Variants in STARD13 observed in about 807,000 individuals in gnomAD.
The protein encoded by STARD13 is StAR related lipid transfer domain containing 13, also known as stAR-related lipid transfer protein 13.
Under a neutral mutation model 106.4 loss-of-function variants are expected in STARD13, and 62 were observed. The observed-to-expected ratio is 0.58, with a 90% CI of 0.48 to 0.72. STARD13 has a LOEUF of 0.72. STARD13 is among the 30% of genes least tolerant of loss of function. STARD13 has a pLI of 0.00. For missense variants in STARD13, 1,387 were observed against 1,424.0 expected (o/e 0.97, Z 0.42); for synonymous variants, 565 against 553.0 (o/e 1.02, Z -0.31).
At chr13:33,565,515 A>G in the STARD13 span, among the ~76,000 whole-genome samples, 1 of 148,296 alleles carries the variant, frequency 6.7e-6, no homozygotes, top group Non-Finnish European at 1.5e-5. Context: ...AATGTGTAAT[A>G]TATTTGGCAA....
At chr13:33,511,558 TTAAAAATTTTTTG>T in the STARD13 span, among the ~76,000 whole-genome samples, 1 of 152,274 alleles carries the variant, frequency 6.6e-6, no homozygotes. Context: ...CTACTTACGT[TTAAAAATTTTTTG>T]TGTCTCTTTG....
chr13:33,142,178 C>T (rs1031928001), intron 4 of STARD13, 132 bp downstream of exon 4: 2 of 707,148 alleles, frequency 2.8e-6, no homozygotes, highest in South Asian at 1.8e-5. Flanking sequence ...CAGGCACAAG[C>T]CACTGTGCCC....
chr13:33,129,969 G>T lies in STARD13; in HGVS notation c.708C>A (p.Pro236=). 3.1e-6 allele frequency: 5 copies of T among 1,613,236 alleles called. No homozygotes were observed. The highest frequency in any genetic ancestry group is 2.2e-5 in the South Asian group (2 of 91,048). The part of the protein sequence containing the change: ...PLVSSSLPQP[P]RDVLNHPFHP... ...GGAAGGGGTGGTTGAGGACATCTCT[G>T]GGGGGCTGTGGGAGGCTGCTGCTGA... Residue 236 remains proline, a synonymous_variant, in exon 5 of 14, where the codon CCC becomes CCA. Coordinates refer to ENST00000336934, the MANE Select transcript of STARD13 (RefSeq NM_178006.4).
chr13:33,570,228 G>A, the STARD13 span, among the ~76,000 whole-genome samples: 2 of 147,926 alleles, frequency 1.4e-5, no homozygotes, highest in Non-Finnish European at 3.0e-5. Context: ...GAAAGAGCAC[G>A]GGGGAGGAAG....
chr13:33,314,660 C>T (rs939325652), intron 1 of STARD13, among the ~76,000 whole-genome samples: 6 of 152,020 alleles, frequency 3.9e-5, no homozygotes, highest in African/African-American at 7.3e-5. Context: ...ATAACACAAC[C>T]GAGCACCTAA....
chr13:33,435,338 GT>G, the STARD13 span, among the ~76,000 whole-genome samples: 1 of 152,162 alleles, frequency 6.6e-6, no homozygotes, highest in Non-Finnish European at 1.5e-5. Context: ...CTAAAACTAA[GT>G]ACTCAGAATA....
the STARD13 span, among the ~76,000 whole-genome samples, chr13:33,377,657 G>A: frequency 7.5e-5 from 11 of 146,934 alleles, no homozygotes; most frequent in South Asian, 2.1e-3. Flanking sequence ...TCCACTTACA[G>A]AGGATGAGAA....
intron 1 of STARD13, among the ~76,000 whole-genome samples, chr13:33,303,090 C>A (rs935829639): frequency 1.3e-5 from 2 of 152,140 alleles, no homozygotes; most frequent in Non-Finnish European, 2.9e-5. Flanking sequence ...ACTCATTTTT[C>A]AAGACCTGAC....
chr13:33,334,798 A>G (rs770944749), intron 1 of STARD13, among the ~76,000 whole-genome samples: 7 of 152,242 alleles, frequency 4.6e-5, no homozygotes, highest in Non-Finnish European at 8.8e-5. Flanking sequence ...AGCGCCAGGC[A>G]GGCGGTAAAC....
the STARD13 span, among the ~76,000 whole-genome samples, chr13:33,579,071 A>G: frequency 1.3e-5 from 2 of 152,166 alleles, no homozygotes; most frequent in Non-Finnish European, 2.9e-5. Flanking sequence ...AACGAGTACA[A>G]CCTCTCTGGA....
chr13:33,642,214 G>T, the STARD13 span, among the ~76,000 whole-genome samples: 2 of 152,198 alleles, frequency 1.3e-5, no homozygotes, highest in African/African-American at 2.4e-5. Context: ...AGTCTAGAGG[G>T]TAAAGCTTGG....
chr13:33,120,689 G>C (rs1876145249), intron 7 of STARD13, among the ~76,000 whole-genome samples: 1 of 152,114 alleles, frequency 6.6e-6, no homozygotes, highest in Admixed American at 6.5e-5. Flanking sequence ...GCTGAAGATG[G>C]CCAAAGGGAA....
At chr13:33,249,602 T>C (rs1047683126) in intron 1 of STARD13, among the ~76,000 whole-genome samples, 4 of 152,188 alleles carry the variant, frequency 2.6e-5, no homozygotes, top group African/African-American at 9.7e-5. Context: ...AGTATACCAT[T>C]TTGCAATTAA....
chr13:33,511,972 C>G, the STARD13 span, among the ~76,000 whole-genome samples: 1 of 152,108 alleles, frequency 6.6e-6, no homozygotes, highest in Non-Finnish European at 1.5e-5. Context: ...TTAATTAAAG[C>G]TCAGAGGCAC....
At chr13:33,404,195 A>G in the STARD13 span, among the ~76,000 whole-genome samples, 10 of 152,228 alleles carry the variant, frequency 6.6e-5, no homozygotes, top group Non-Finnish European at 1.3e-4. Context: ...AAGGAACTAT[A>G]TGGTATTACA....
chr13:33,358,340 G>A, the STARD13 span, among the ~76,000 whole-genome samples: 2 of 152,174 alleles, frequency 1.3e-5, no homozygotes, highest in African/African-American at 2.4e-5. Flanking sequence ...CAGTCCCATC[G>A]ACCACCCAAG....
the STARD13 span, among the ~76,000 whole-genome samples, chr13:33,388,193 C>G: frequency 6.6e-6 from 1 of 152,116 alleles, no homozygotes; most frequent in Admixed American, 6.5e-5. Context: ...GTCCACCAAG[C>G]CCCAGACAAA....
the STARD13 span, among the ~76,000 whole-genome samples, chr13:33,515,889 T>G: frequency 6.6e-6 from 1 of 152,082 alleles, no homozygotes; most frequent in Non-Finnish European, 1.5e-5. Context: ...TCATCTCCAC[T>G]AATTCTCTGT....
At position 33,343,118 on chromosome 13, in the gene STARD13, T is replaced by C. The variant is rs1047467813; in HGVS notation, c.124+7172A>G. On this transcript the variant is annotated intron_variant, in intron 1 of 5. Coordinates refer to the STARD13 transcript ENST00000567873. The stretch of plus-strand genomic sequence containing the variant: ...GGATGTCTAGTAGGCATTCCAAAGC[T>C]AATGGAGCCAACAGAGAACCTTTGA... Among the ~76,000 whole-genome samples the C allele has an allele frequency of 5.9e-5, 9 of 152,306 alleles. No individual in the cohort carries two copies. The East Asian group carries it at 1.7e-3, about 29-fold the overall frequency.
Sources: allele counts gnomAD v4.1 joint callset (sites outside exome capture counted in the v4.1 genomes callset), GRCh38; gene constraint gnomAD v4.1.1; transcripts MANE v1.5; gene names NCBI Gene and HGNC (gene_info 2026-07-23, HGNC 2026-07-21).